The following DOCK3 variants were observed in gnomAD, a reference collection of about 807,000 sequenced individuals.
DOCK3 encodes the protein dedicator of cytokinesis protein 3.
In DOCK3, 60 loss-of-function variants were observed where a neutral mutation model predicts 265.6. The observed-to-expected ratio is 0.23, with a 90% CI of 0.18 to 0.28. The LOEUF (loss-of-function observed/expected upper bound fraction) is 0.28, where lower values mean the gene tolerates loss of function less well. DOCK3 is among the 10% of genes least tolerant of loss of function. DOCK3 has a pLI of 1.00. For missense variants in DOCK3, 1,981 were observed against 2,594.3 expected (o/e 0.76, Z 5.14); for synonymous variants, 881 against 938.0 (o/e 0.94, Z 1.11).
intron 10 of DOCK3, among the ~76,000 whole-genome samples, chr3:51,151,662 C>T (rs1278093866): frequency 6.6e-6 from 1 of 152,168 alleles, no homozygotes; most frequent in Admixed American, 6.5e-5. Context: ...TTTAGTGCTT[C>T]CTTCAGGAGC....
chr3:51,129,267 G>T (rs1360335855), intron 9 of DOCK3, among the ~76,000 whole-genome samples: 1 of 152,206 alleles, frequency 6.6e-6, no homozygotes, highest in Non-Finnish European at 1.5e-5. Context: ...CCTAGAAAGG[G>T]GTTGTAGTGC....
Position 50,867,380 on chromosome 3 carries a change from A to G in DOCK3, c.163-22646A>G, listed in dbSNP as rs80257383. Among the ~76,000 whole-genome samples the G allele has an allele frequency of 1.1e-3, 161 of 152,102 alleles. 6 individuals carry two copies. The East Asian group carries it at 0.028, about 26-fold the overall frequency. On this transcript the variant is annotated intron_variant, in intron 3 of 52. Transcript: ENST00000266037. ...TTATATCATCTGCAAGGATAACTTG[A>G]CTTTTTTCTTTCCAAATTGGATTCT...
At chr3:50,891,812 C>T (rs569187291) in intron 4 of DOCK3, among the ~76,000 whole-genome samples, 1 of 152,102 alleles carries the variant, frequency 6.6e-6, no homozygotes, top group African/African-American at 2.4e-5. Context: ...CATACACTTT[C>T]TGATGATGAG....
intron 12 of DOCK3, 141 bp downstream of exon 12, chr3:51,160,843 A>G (rs1006950099): frequency 1.2e-4 from 117 of 1,014,394 alleles, no homozygotes; most frequent in Non-Finnish European, 1.3e-4. Flanking sequence ...TTGGGAGGCC[A>G]AGGTGGGCAA....
At chr3:51,115,170 T>C (rs1419892891) in intron 9 of DOCK3, among the ~76,000 whole-genome samples, 1 of 152,226 alleles carries the variant, frequency 6.6e-6, no homozygotes, top group Admixed American at 6.5e-5. Context: ...AGTAATGGGA[T>C]TGCTGGGTCA....
At chr3:50,685,535 A>G (rs973488416) in intron 1 of DOCK3, 1 of 152,840 alleles carries the variant, frequency 6.5e-6, no homozygotes, top group Non-Finnish European at 1.5e-5. Flanking sequence ...ACTGACATCT[A>G]TAGGAAAATT....
intron 2 of DOCK3, among the ~76,000 whole-genome samples, chr3:50,797,856 A>G (rs1474100904): frequency 6.6e-5 from 10 of 152,164 alleles, no homozygotes; most frequent in Admixed American, 5.2e-4. Flanking sequence ...CCCATTTTCA[A>G]TTTTAATTGT....
chr3:50,808,239 A>G (rs2043544823), intron 2 of DOCK3, among the ~76,000 whole-genome samples: 1 of 152,218 alleles, frequency 6.6e-6, no homozygotes, highest in African/African-American at 2.4e-5. Flanking sequence ...AAGATTTACT[A>G]TGTTTATGAA....
chr3:51,095,683 A>ACCC (rs2082816760), intron 9 of DOCK3, among the ~76,000 whole-genome samples: 1 of 151,548 alleles, frequency 6.6e-6, no homozygotes, highest in African/African-American at 2.4e-5. Context: ...TATTTGTTTT[A>ACCC]AAGCTTTTCA....
chr3:51,259,022 T>C (rs1329453923), intron 22 of DOCK3, among the ~76,000 whole-genome samples: 1 of 152,168 alleles, frequency 6.6e-6, no homozygotes, highest in East Asian at 1.9e-4. Context: ...AGCCTGCAAG[T>C]GTCTGGGTTT....
At chr3:51,284,468 C>A (rs1217236487) in intron 27 of DOCK3, among the ~76,000 whole-genome samples, 1 of 152,162 alleles carries the variant, frequency 6.6e-6, no homozygotes, top group East Asian at 1.9e-4. Flanking sequence ...TTATTAATCT[C>A]CCTAGATCAC....
intron 10 of DOCK3, 32 bp downstream of exon 10, chr3:51,146,662 G>T: frequency 6.4e-7 from 1 of 1,553,000 alleles, no homozygotes; most frequent in Non-Finnish European, 8.7e-7. Context: ...CTTCTTTGCT[G>T]TTGACTCTAA....
At chr3:50,972,671 G>A (rs1028113409) in intron 5 of DOCK3, among the ~76,000 whole-genome samples, 6 of 152,290 alleles carry the variant, frequency 3.9e-5, no homozygotes, top group South Asian at 2.1e-4. Context: ...ATGTGGGTGC[G>A]GAGAAATGTC....
intron 32 of DOCK3, among the ~76,000 whole-genome samples, chr3:51,321,845 A>T (rs1416008970): frequency 1.3e-5 from 2 of 152,224 alleles, no homozygotes; most frequent in Non-Finnish European, 2.9e-5. Flanking sequence ...GACCAAATAT[A>T]CGTTTGATTG....
At chr3:51,156,627 GC>G (rs2085865020) in intron 10 of DOCK3, among the ~76,000 whole-genome samples, 1 of 152,054 alleles carries the variant, frequency 6.6e-6, no homozygotes, top group Admixed American at 6.6e-5. Flanking sequence ...ATATTTTCTT[GC>G]ACTAATTATT....
intron 5 of DOCK3, among the ~76,000 whole-genome samples, chr3:50,978,900 C>T (rs933135424): frequency 1.1e-4 from 16 of 152,210 alleles, no homozygotes; most frequent in African/African-American, 3.9e-4. Context: ...TGGGAGTGAC[C>T]CGATTTTCCA....
At chr3:50,893,712 G>C (rs1320398655) in intron 4 of DOCK3, among the ~76,000 whole-genome samples, 1 of 151,920 alleles carries the variant, frequency 6.6e-6, no homozygotes, top group Non-Finnish European at 1.5e-5. Context: ...GAAAGGAGCA[G>C]GAAACTTATT....
At chr3:50,858,442 T>A (rs1024403835) in intron 3 of DOCK3, among the ~76,000 whole-genome samples, 2 of 122,188 alleles carry the variant, frequency 1.6e-5, no homozygotes, top group African/African-American at 2.7e-5. Context: ...ATAATAATAA[T>A]AATAATAATA....
At chr3:50,805,577 G>A (rs913510491) in intron 2 of DOCK3, among the ~76,000 whole-genome samples, 35 of 152,292 alleles carry the variant, frequency 2.3e-4, no homozygotes, top group African/African-American at 7.5e-4. Context: ...TGCCAGGGTC[G>A]GCCTGCAGGG....
Sources: allele counts gnomAD v4.1 joint callset (sites outside exome capture counted in the v4.1 genomes callset), GRCh38; gene constraint gnomAD v4.1.1; transcripts MANE v1.5; gene names NCBI Gene and HGNC (gene_info 2026-07-23, HGNC 2026-07-21).